The following EHBP1L1 variants were observed in gnomAD, a reference collection of about 807,000 sequenced individuals.
EHBP1L1 encodes the protein EH domain-binding protein 1-like protein 1.
In EHBP1L1, 122 loss-of-function variants were observed where a neutral mutation model predicts 151.1. The ratio of observed to expected loss-of-function variants is 0.81; its 90% CI spans 0.70 to 0.94. The LOEUF (loss-of-function observed/expected upper bound fraction) is 0.94, where lower values mean the gene tolerates loss of function less well. Ranked by LOEUF, EHBP1L1 falls within the 40% of genes least tolerant of loss-of-function variation. The probability of loss-of-function intolerance (pLI) is 0.00; values close to 1 mark genes in which losing one functional copy is unlikely to be tolerated. For synonymous variants in EHBP1L1, 878 were observed against 810.1 expected, an observed-to-expected ratio of 1.08 and a Z score of -1.42; for missense variants, 1,941 against 1,959.8, an observed-to-expected ratio of 0.99 and a Z score of 0.18.
rs1383637664 is a variant in EHBP1L1, at chr11:65,583,026, G to A, written c.2354G>A (p.Gly785Glu). 6.2e-7 allele frequency: 1 copy of A among 1,612,978 alleles called. No individual in the cohort carries two copies. The highest frequency in any genetic ancestry group is 1.1e-5 in the South Asian group (1 of 91,056). ...GTQEIASRDS[G>E]VPGLEADTTG... is the part of the protein sequence containing the mutation. The stretch of plus-strand genomic sequence containing the variant: ...CAAGAGATAGCATCTAGGGATTCAG[G>A]GGTCCCAGGGTTAGAAGCTGATACA... Residue 785 changes from glycine to glutamate, a missense_variant, in exon 9 of 19, where the codon GGG becomes GAG. By Grantham distance (98) the Gly-to-Glu change is moderately conservative. Coordinates refer to ENST00000309295, the MANE Select transcript of EHBP1L1 (RefSeq NM_001099409.3).
At chr11:65,590,267 C>T in intron 15 of EHBP1L1, 57 bp downstream of exon 15, 1 of 1,598,262 alleles carries the variant, frequency 6.3e-7, no homozygotes, top group Non-Finnish European at 8.5e-7. Flanking sequence ...TCTGTCCAGC[C>T]CTGCAGCTGT....
At position 65,583,506 on chromosome 11, in the gene EHBP1L1, CAG is replaced by C. The variant is rs1857755417; in HGVS notation, c.2837_2838del (p.Glu946GlyfsTer27). On this transcript the variant is annotated frameshift_variant, in exon 9 of 19. Transcript: ENST00000309295. LOFTEE classifies it high-confidence loss of function. ...GCAGAGGCTGGGGTTTGGGGGATGT[CAG>C]AGGGCAAATCTGGGGCTTGGGGGGC... 2 of 1,612,938 alleles carry C rather than the reference CAG, an allele frequency of 1.2e-6. No individual in the cohort carries two copies. Among genetic ancestry groups the C allele is most frequent in the South Asian group, 2.2e-5 (2 of 91,050 alleles).
intron 12 of EHBP1L1, among the ~76,000 whole-genome samples, chr11:65,586,942 T>C (rs113545330): frequency 4.6e-5 from 7 of 152,330 alleles, no homozygotes; most frequent in African/African-American, 1.7e-4. Flanking sequence ...CCCATAGGGC[T>C]GGAGGGGACT....
intron 9 of EHBP1L1, 173 bp from the exon 10 acceptor site, chr11:65,584,068 T>G: frequency 6.9e-7 from 1 of 1,442,540 alleles, no homozygotes; most frequent in Non-Finnish European, 9.0e-7. Flanking sequence ...CCTTGGCAGA[T>G]AACCCTGGAT....
At chr11:65,591,895 C>G (rs760353478) in intron 17 of EHBP1L1, 22 bp downstream of exon 17, 46 of 1,603,380 alleles carry the variant, frequency 2.9e-5, no homozygotes, top group Non-Finnish European at 3.8e-5. Flanking sequence ...GCTCAGGGGC[C>G]GGGAGGCAAG....
intron 12 of EHBP1L1, among the ~76,000 whole-genome samples, chr11:65,587,321 C>T (rs995829123): frequency 1.3e-5 from 2 of 150,944 alleles, no homozygotes; most frequent in South Asian, 2.1e-4. Context: ...CTCAGTGAGC[C>T]GAGATTGTGC....
intron 8 of EHBP1L1, 72 bp downstream of exon 8, chr11:65,581,445 G>T (rs766197996): frequency 1.4e-5 from 20 of 1,431,444 alleles, no homozygotes; most frequent in Non-Finnish European, 1.8e-5. Context: ...CCACCAACCT[G>T]CCTCCAGGGC....
chr11:65,583,266 T>A lies in EHBP1L1; in HGVS notation c.2594T>A (p.Met865Lys). The A allele has an allele frequency of 6.2e-7, 1 of 1,613,438 alleles. No homozygotes were observed. The highest frequency in any genetic ancestry group is 8.5e-7 in the Non-Finnish European group (1 of 1,179,776). ...GGAATGGCAGAGGCCCGAGTACTGA[T>A]GACCCGTAAGACAGAAATTATAGTT... ...EAGMAEARVL[M>K]TRKTEIIVPE... Residue 865 changes from methionine to lysine, a missense_variant, in exon 9 of 19, where the codon ATG becomes AAG. By Grantham distance (95) the Met-to-Lys change is moderately conservative. Coordinates refer to ENST00000309295, the MANE Select transcript of EHBP1L1 (RefSeq NM_001099409.3).
At chr11:65,586,332 G>C (rs538390200) in intron 12 of EHBP1L1, among the ~76,000 whole-genome samples, 18 of 152,344 alleles carry the variant, frequency 1.2e-4, no homozygotes, top group Non-Finnish European at 2.6e-4. Context: ...CAGGACACGG[G>C]CTTTCCAGCT....
intron 12 of EHBP1L1, among the ~76,000 whole-genome samples, chr11:65,589,274 G>A (rs1179580646): frequency 3.3e-5 from 5 of 152,208 alleles, no homozygotes; most frequent in African/African-American, 9.7e-5. Flanking sequence ...GCGTGATGGC[G>A]GGTGGCTACT....
chr11:65,583,775 G>A lies in EHBP1L1; in HGVS notation c.3093+10G>A, dbSNP rs1857776478. 7 of 1,467,612 alleles carry A rather than the reference G, an allele frequency of 4.8e-6. No homozygotes were observed. Among genetic ancestry groups the A allele is most frequent in the Non-Finnish European group, 5.4e-6 (6 of 1,114,132 alleles). The allele number at this position is 1,467,612 out of a possible 1,614,324, so 90.9% of individuals were successfully genotyped here. A position where few individuals can be genotyped will look rare whatever the true frequency, so the allele number is the denominator to read the frequency against. ...GCTGCCGGGCAGCCAGGTAGGGATG[G>A]GGGCCGCCGAGGGCCCAGTCTGCTG... On this transcript the variant is annotated intron_variant, in intron 9 of 18. Transcript: ENST00000309295.
intron 6 of EHBP1L1, 22 bp from the exon 7 acceptor site, chr11:65,581,036 T>C (rs766313411): frequency 8.2e-6 from 13 of 1,587,208 alleles, no homozygotes; most frequent in Non-Finnish European, 1.1e-5. Flanking sequence ...TCTGCCCTTC[T>C]CCCCTCTCCT....
At chr11:65,591,448 C>T (rs1186205693) in intron 16 of EHBP1L1, 5 of 408,756 alleles carry the variant, frequency 1.2e-5, no homozygotes, top group African/African-American at 1.0e-4. Flanking sequence ...TTGCCTTTGT[C>T]ATCCTGCAGG....
chr11:65,584,607 G>A (rs1433462723), intron 11 of EHBP1L1, 73 bp downstream of exon 11: 2 of 1,559,508 alleles, frequency 1.3e-6, no homozygotes, highest in African/African-American at 1.4e-5. Flanking sequence ...CAGATTTGGA[G>A]AAAGTGGACT....
At chr11:65,580,030 C>T (rs2135242116) in intron 4 of EHBP1L1, 41 bp downstream of exon 4, 1 of 1,613,608 alleles carries the variant, frequency 6.2e-7, no homozygotes, top group East Asian at 2.2e-5. Context: ...ATCTTGGGGA[C>T]CCTGGGACAG....
chr11:65,579,012 T>C lies in EHBP1L1; in HGVS notation c.105-66T>C. 3.4e-6 allele frequency: 5 copies of C among 1,458,362 alleles called. No homozygotes were observed. The South Asian group carries it at 3.7e-5, about 11-fold the overall frequency. The allele number at this position is 1,458,362 out of a possible 1,614,324, so 90.3% of individuals were successfully genotyped here. A position where few individuals can be genotyped will look rare whatever the true frequency, so the allele number is the denominator to read the frequency against. ...GAGCTGGGGGAGGAGGAAGAGGAGATGGGGAGGCAGGTGAGCCTGACCAAG... is the reference window on the plus strand; with the variant it reads ...GAGCTGGGGGAGGAGGAAGAGGAGACGGGGAGGCAGGTGAGCCTGACCAAG... On this transcript the variant is annotated intron_variant, in intron 1 of 18. Transcript: ENST00000309295.
rs764251819 is a variant in EHBP1L1 at position 65,576,321 on chromosome 11, C to G, written c.19C>G (p.Arg7Gly). 4 of 1,595,586 alleles carry G rather than the reference C, an allele frequency of 2.5e-6. No individual in the cohort carries two copies. Among genetic ancestry groups the G allele is most frequent in the East Asian group, 2.3e-5 (1 of 43,958 alleles). Residue 7 changes from arginine (R) to glycine (G), a missense_variant, in exon 1 of 19, where the codon CGC (arginine) becomes GGC (glycine). Arg to Gly is a moderately radical substitution (Grantham distance 125, BLOSUM62 -2). Coordinates refer to ENST00000309295, the MANE Select transcript of EHBP1L1 (RefSeq NM_001099409.3). MTSVWKRLQRVGKRAAK... is the reference protein window; with the variant it reads MTSVWKGLQRVGKRAAK... The stretch of plus-strand genomic sequence containing the variant: ...GGGGGCCATGACCTCGGTGTGGAAG[C>G]GCCTGCAGCGCGTGGGCAAGCGGGC...
intron 9 of EHBP1L1, 173 bp downstream of exon 9, chr11:65,583,938 C>T: frequency 1.4e-6 from 2 of 1,416,452 alleles, no homozygotes; most frequent in Non-Finnish European, 1.8e-6. Context: ...GGCTCTCTTA[C>T]CCCATCTTCC....
At chr11:65,581,010 C>A in intron 6 of EHBP1L1, 48 bp from the exon 7 acceptor site, 2 of 1,554,354 alleles carry the variant, frequency 1.3e-6, no homozygotes, top group South Asian at 1.2e-5. Flanking sequence ...CCTGTGGGGC[C>A]CTGCCCTGGG....
Sources: allele counts gnomAD v4.1 joint callset (sites outside exome capture counted in the v4.1 genomes callset), GRCh38; gene constraint gnomAD v4.1.1; transcripts MANE v1.5; gene names NCBI Gene and HGNC (gene_info 2026-07-23, HGNC 2026-07-21).